Variants in ANO6 observed in about 807,000 individuals in gnomAD.
ANO6 encodes the protein anoctamin 6, also known as anoctamin-6.
In ANO6, 106 loss-of-function variants were observed where a neutral mutation model predicts 117.5. That is an observed-to-expected ratio of 0.90 (90% CI 0.77 to 1.06). The LOEUF (loss-of-function observed/expected upper bound fraction) is 1.06. ANO6 is among the 50% of genes least tolerant of loss of function. The pLI is 0.00. For missense variants in ANO6, 955 were observed against 1,121.1 expected (o/e 0.85, Z 2.12); for synonymous variants, 367 against 385.1 (o/e 0.95, Z 0.55).
At chr12:45,420,192 A>T (rs1405734496) in intron 17 of ANO6, among the ~76,000 whole-genome samples, 1 of 152,200 alleles carries the variant, frequency 6.6e-6, no homozygotes, top group African/African-American at 2.4e-5. Flanking sequence ...CTATACAGGA[A>T]AAAAGTGAAC....
rs1592021444 is a variant in ANO6, at chr12:45,401,824, G to A, written c.1416G>A (p.Gly472=). ...WILLIIASVI[G]IIVYRLSVFI... ...TATTGATCATCGCTTCAGTTATTGGGATCATTGTCTATAGGCTCTCGGTGT... is the reference window on the plus strand; with the variant it reads ...TATTGATCATCGCTTCAGTTATTGGAATCATTGTCTATAGGCTCTCGGTGT... Residue 472 remains glycine, a synonymous_variant, in exon 13 of 20, where the codon GGG becomes GGA. Coordinates refer to ENST00000320560, the MANE Select transcript of ANO6 (RefSeq NM_001025356.3). The A allele has an allele frequency of 6.2e-7, 1 of 1,613,440 alleles. No homozygotes were observed. Among genetic ancestry groups the A allele is most frequent in the South Asian group, 1.1e-5 (1 of 91,026 alleles).
intron 1 of ANO6, among the ~76,000 whole-genome samples, chr12:45,222,771 A>G (rs1405618393): frequency 1.3e-5 from 2 of 152,222 alleles, no homozygotes; most frequent in Non-Finnish European, 2.9e-5. Context: ...TGTAGGCCAT[A>G]AGACCCCCAT....
At chr12:45,392,323 T>C (rs897976759) in intron 12 of ANO6, among the ~76,000 whole-genome samples, 6 of 152,146 alleles carry the variant, frequency 3.9e-5, no homozygotes, top group African/African-American at 1.4e-4. Context: ...TGCTGAGGCT[T>C]GAGTAGGTAA....
At chr12:45,322,925 A>G (rs752272625) in intron 2 of ANO6, among the ~76,000 whole-genome samples, 17 of 152,134 alleles carry the variant, frequency 1.1e-4, no homozygotes, top group Non-Finnish European at 2.4e-4. Context: ...TAGCAGGACT[A>G]TATCATTGAA....
chr12:45,353,177 C>G (rs1371373805), intron 7 of ANO6, among the ~76,000 whole-genome samples: 1 of 152,014 alleles, frequency 6.6e-6, no homozygotes, highest in Non-Finnish European at 1.5e-5. Context: ...TAGCAGCTAT[C>G]AACGATCATT....
chr12:45,298,647 TAC>T (rs1408503001), intron 1 of ANO6, among the ~76,000 whole-genome samples: 1 of 152,244 alleles, frequency 6.6e-6, no homozygotes, highest in Non-Finnish European at 1.5e-5. Flanking sequence ...CACTCAGATT[TAC>T]AGTTTTTTCT....
At chr12:45,304,206 A>C (rs1375506738) in intron 2 of ANO6, among the ~76,000 whole-genome samples, 1 of 152,186 alleles carries the variant, frequency 6.6e-6, no homozygotes, top group Non-Finnish European at 1.5e-5. Context: ...AAACAAACAG[A>C]AGGTGTAGAA....
intron 1 of ANO6, among the ~76,000 whole-genome samples, chr12:45,272,098 C>A (rs745425635): frequency 6.6e-6 from 1 of 151,644 alleles, no homozygotes; most frequent in African/African-American, 2.4e-5. Context: ...AAATATAAAA[C>A]GTTTTTATAT....
chr12:45,418,018 AC>A (rs1459756629), intron 17 of ANO6, among the ~76,000 whole-genome samples: 1 of 152,148 alleles, frequency 6.6e-6, no homozygotes, highest in Admixed American at 6.5e-5. Flanking sequence ...GTACATACCA[AC>A]CACAGTGTTA....
At chr12:45,367,867 G>T (rs1941726549) in intron 9 of ANO6, 74 bp downstream of exon 9, 1 of 1,101,724 alleles carries the variant, frequency 9.1e-7, no homozygotes. Context: ...ATAAAACATA[G>T]TATTGTATCT....
At chr12:45,417,702 A>G (rs1285552841) in intron 17 of ANO6, among the ~76,000 whole-genome samples, 1 of 152,180 alleles carries the variant, frequency 6.6e-6, no homozygotes, top group African/African-American at 2.4e-5. Flanking sequence ...ATTTCCTCCC[A>G]TATTTCACTG....
intron 7 of ANO6, among the ~76,000 whole-genome samples, chr12:45,352,462 C>T (rs953024498): frequency 1.3e-5 from 2 of 150,632 alleles, no homozygotes; most frequent in African/African-American, 4.9e-5. Flanking sequence ...TGAGATGACT[C>T]ATTCCTCTAA....
At chr12:45,415,957 T>G (rs1435754073) in intron 16 of ANO6, among the ~76,000 whole-genome samples, 1 of 152,184 alleles carries the variant, frequency 6.6e-6, no homozygotes, top group Non-Finnish European at 1.5e-5. Context: ...CTCCGTGGTA[T>G]CACTTACCCC....
At chr12:45,326,255 T>C (rs1940461582) in intron 2 of ANO6, among the ~76,000 whole-genome samples, 2 of 152,216 alleles carry the variant, frequency 1.3e-5, no homozygotes, top group Non-Finnish European at 2.9e-5. Flanking sequence ...TAATGGTATT[T>C]ATAAGTGAAC....
At chr12:45,227,289 A>G (rs1054993794) in intron 1 of ANO6, among the ~76,000 whole-genome samples, 3 of 152,166 alleles carry the variant, frequency 2.0e-5, no homozygotes, top group African/African-American at 7.2e-5. Flanking sequence ...TACTGATCTT[A>G]GATGCTGCTT....
chr12:45,281,798 TGGG>T (rs1938745760), intron 1 of ANO6, among the ~76,000 whole-genome samples: 1 of 152,232 alleles, frequency 6.6e-6, no homozygotes, highest in Non-Finnish European at 1.5e-5. Context: ...GGTTTCCTAA[TGGG>T]AAGCTATTAA....
At chr12:45,308,046 TAA>T (rs1939727830) in intron 2 of ANO6, among the ~76,000 whole-genome samples, 2 of 118,328 alleles carry the variant, frequency 1.7e-5, no homozygotes, top group Non-Finnish European at 3.5e-5. Context: ...TGTGTGTGTG[TAA>T]TTTTTTTTTT....
intron 1 of ANO6, among the ~76,000 whole-genome samples, chr12:45,283,799 G>A (rs908484497): frequency 1.3e-5 from 2 of 152,036 alleles, no homozygotes; most frequent in Non-Finnish European, 2.9e-5. Flanking sequence ...TAATGTCACC[G>A]GAATCCATGT....
chr12:45,273,332 T>TA (rs1938448786), intron 1 of ANO6, among the ~76,000 whole-genome samples: 1 of 152,214 alleles, frequency 6.6e-6, no homozygotes. Context: ...TTAAATATTT[T>TA]AAAATGGAAG....
Sources: allele counts gnomAD v4.1 joint callset (sites outside exome capture counted in the v4.1 genomes callset), GRCh38; gene constraint gnomAD v4.1.1; transcripts MANE v1.5; gene names NCBI Gene and HGNC (gene_info 2026-07-23, HGNC 2026-07-21).